The following ATP9B variants were observed in gnomAD, a reference collection of about 807,000 sequenced individuals.
ATP9B encodes ATPase phospholipid transporting 9B.
In ATP9B, 110 loss-of-function variants were observed where a neutral mutation model predicts 146.1. The ratio of observed to expected loss-of-function variants is 0.75; its 90% CI spans 0.65 to 0.88. The LOEUF (loss-of-function observed/expected upper bound fraction) is 0.88, where lower values mean the gene tolerates loss of function less well. ATP9B is among the 40% of genes least tolerant of loss of function. ATP9B has a pLI of 0.00. For missense variants in ATP9B, 1,499 were observed against 1,496.4 expected (o/e 1.00, Z -0.03); for synonymous variants, 604 against 569.7 (o/e 1.06, Z -0.86).
intron 25 of ATP9B, among the ~76,000 whole-genome samples, chr18:79,356,284 G>C (rs886225286): frequency 6.6e-6 from 1 of 152,140 alleles, no homozygotes; most frequent in African/African-American, 2.4e-5. Context: ...CCATCTGGAA[G>C]ATGTCCTAGC....
At chr18:79,289,289 T>C (rs1017629365) in intron 13 of ATP9B, among the ~76,000 whole-genome samples, 3 of 152,198 alleles carry the variant, frequency 2.0e-5, no homozygotes, top group African/African-American at 7.2e-5. Flanking sequence ...CACAGTCTCA[T>C]GTTTCTTGGA....
chr18:79,220,946 CTG>C (rs1261291547), intron 11 of ATP9B, among the ~76,000 whole-genome samples: 1 of 152,180 alleles, frequency 6.6e-6, no homozygotes, highest in Non-Finnish European at 1.5e-5. Context: ...GCCTCAGTAT[CTG>C]CAGCGTCCTC....
chr18:79,139,350 T>C (rs564526035), intron 5 of ATP9B, among the ~76,000 whole-genome samples: 2 of 152,332 alleles, frequency 1.3e-5, no homozygotes, highest in African/African-American at 4.8e-5. Context: ...TGTGCTAGAC[T>C]TTGACACAGC....
At chr18:79,327,482 CGTGCTCTCCGTGGTTAGT>C (rs1400589976) in intron 15 of ATP9B, among the ~76,000 whole-genome samples, 2 of 149,368 alleles carry the variant, frequency 1.3e-5, no homozygotes, top group Non-Finnish European at 3.0e-5. Flanking sequence ...CCGTGGTTAG[CGTGCTCTCCGTGGTTAGT>C]GTGCTCTCTC....
rs1260737440 is a variant in ATP9B at position 79,239,284 on chromosome 18, C to T, written c.1108-14097C>T. 6.6e-6 allele frequency among the ~76,000 whole-genome samples: 1 copy of T among 152,196 alleles called. No homozygotes were observed. Among genetic ancestry groups the T allele is most frequent in the Non-Finnish European group, 1.5e-5 (1 of 68,036 alleles). On this transcript the variant is annotated intron_variant, in intron 11 of 29. Coordinates refer to ENST00000426216, the MANE Select transcript of ATP9B (RefSeq NM_198531.5). The surrounding 1 kb of genome is among the most constrained non-coding windows in gnomAD (Gnocchi z 5.1). ...TGTGCCCCTTCAGCCCTCTTATTTCCACCGCTCCACAATTCATGACAAGTG... is the reference window on the plus strand; with the variant it reads ...TGTGCCCCTTCAGCCCTCTTATTTCTACCGCTCCACAATTCATGACAAGTG...
rs756296171 is a variant in ATP9B at position 79,329,272 on chromosome 18, C to T, written c.1905C>T (p.Ser635=). The T allele has an allele frequency of 1.9e-5, 31 of 1,611,354 alleles. No homozygotes were observed. The highest frequency in any genetic ancestry group is 6.7e-5 in the East Asian group (3 of 44,800). ...FCILQLFPFT[S]ESKRMGVIVR... The stretch of plus-strand genomic sequence containing the variant: ...TTCTGCAGCTGTTTCCCTTCACCTC[C>T]GAGAGCAAGCGGATGGGCGTCATCG... The change falls in exon 16 of 30, where the codon TCC becomes TCT. Residue 635 remains serine, a synonymous_variant. Transcript: ENST00000426216.
At chr18:79,305,567 C>T (rs879371428) in intron 14 of ATP9B, among the ~76,000 whole-genome samples, 2 of 151,346 alleles carry the variant, frequency 1.3e-5, no homozygotes, top group Non-Finnish European at 2.9e-5. Flanking sequence ...TCTATTTCTG[C>T]GTTGAAATAG....
chr18:79,233,672 G>A (rs2095812958), intron 11 of ATP9B, among the ~76,000 whole-genome samples: 1 of 152,146 alleles, frequency 6.6e-6, no homozygotes, highest in Non-Finnish European at 1.5e-5. Context: ...AGGGTACAAG[G>A]AAATACAGTT....
At chr18:79,247,904 AAAT>A (rs2095984612) in intron 11 of ATP9B, among the ~76,000 whole-genome samples, 1 of 152,234 alleles carries the variant, frequency 6.6e-6, no homozygotes, top group Non-Finnish European at 1.5e-5. Flanking sequence ...GTAGGTTATG[AAAT>A]AATTCTTTCA....
In ATP9B at chr18:79,239,035, C is replaced by T. The variant is rs1386898645; in HGVS notation, c.1108-14346C>T. Reference sequence around the variant, plus strand: ...CAGTTACTGTTTCTCTGCTTCATGCCTCAGGTAGGCAGGCTCAAGGAGAGC... The same window carrying T: ...CAGTTACTGTTTCTCTGCTTCATGCTTCAGGTAGGCAGGCTCAAGGAGAGC... On this transcript the variant is annotated intron_variant, in intron 11 of 29. Transcript: ENST00000426216. This position sits in a 1 kb window ranked among gnomAD's most constrained non-coding sequence, Gnocchi z 5.1. 3.3e-5 allele frequency among the ~76,000 whole-genome samples: 5 copies of T among 152,210 alleles called. No individual in the cohort carries two copies. Among genetic ancestry groups the T allele is most frequent in the Non-Finnish European group, 7.3e-5 (5 of 68,036 alleles).
intron 11 of ATP9B, among the ~76,000 whole-genome samples, chr18:79,219,657 C>T (rs1188009781): frequency 6.6e-6 from 1 of 152,110 alleles, no homozygotes; most frequent in Non-Finnish European, 1.5e-5. Flanking sequence ...GTCTCCCTCC[C>T]CTCTTCTCTT....
At chr18:79,275,867 T>G (rs1314248199) in intron 12 of ATP9B, among the ~76,000 whole-genome samples, 1 of 152,232 alleles carries the variant, frequency 6.6e-6, no homozygotes, top group African/African-American at 2.4e-5. Flanking sequence ...TTCTAACTAG[T>G]ACATAGAATT....
intron 5 of ATP9B, among the ~76,000 whole-genome samples, chr18:79,129,585 T>C (rs1020670079): frequency 6.6e-6 from 1 of 152,174 alleles, no homozygotes; most frequent in Non-Finnish European, 1.5e-5. Context: ...AGAGAGACTT[T>C]AGAGACCATC....
chr18:79,337,859 C>T (rs755007265), intron 19 of ATP9B, among the ~76,000 whole-genome samples: 1 of 152,244 alleles, frequency 6.6e-6, no homozygotes, highest in Non-Finnish European at 1.5e-5. Flanking sequence ...GGCCGGCACT[C>T]GTGCCCTTGC....
intron 2 of ATP9B, among the ~76,000 whole-genome samples, chr18:79,106,993 A>G (rs1295129085): frequency 3.9e-5 from 6 of 152,202 alleles, no homozygotes; most frequent in African/African-American, 9.7e-5. Context: ...GTATCTTTTC[A>G]AATACTTAGA....
intron 7 of ATP9B, among the ~76,000 whole-genome samples, chr18:79,167,765 C>G (rs1028197379): frequency 1.3e-5 from 2 of 152,226 alleles, no homozygotes; most frequent in Admixed American, 6.5e-5. Flanking sequence ...GTGGACCTCA[C>G]TGGGAACTGG....
chr18:79,162,188 T>C (rs1474043040), intron 7 of ATP9B, among the ~76,000 whole-genome samples: 1 of 152,250 alleles, frequency 6.6e-6, no homozygotes, highest in Non-Finnish European at 1.5e-5. Context: ...TGTTAATATA[T>C]GCAGCATATC....
intron 29 of ATP9B, among the ~76,000 whole-genome samples, chr18:79,376,543 C>T (rs1200347457): frequency 6.6e-6 from 1 of 152,088 alleles, no homozygotes; most frequent in East Asian, 1.9e-4. Flanking sequence ...GTGCCTGCCA[C>T]CACACCAGGA....
chr18:79,076,564 T>C (rs893821823), intron 1 of ATP9B, among the ~76,000 whole-genome samples: 3 of 150,690 alleles, frequency 2.0e-5, no homozygotes, highest in Admixed American at 6.6e-5. Context: ...ACTTTTCTCT[T>C]ACTACTTTCA....
Sources: gnomAD v4.1 joint callset for allele counts (sites outside exome capture counted in the v4.1 genomes callset) on GRCh38, gnomAD v4.1.1 for gene constraint, Gnocchi (gnomAD v3.1) non-coding constraint, MANE v1.5 for transcripts, NCBI Gene and HGNC (gene_info 2026-07-23, HGNC 2026-07-21) for gene names.